CCDC6: variants seen among roughly 807,000 people sequenced by gnomAD.
The protein encoded by CCDC6 is coiled-coil domain-containing protein 6.
A neutral mutation model predicts 56.6 loss-of-function variants in CCDC6; 20 were observed. That is an observed-to-expected ratio of 0.35 (90% CI 0.25 to 0.51). The LOEUF (loss-of-function observed/expected upper bound fraction) is 0.51, where lower values mean the gene tolerates loss of function less well. Ranked by LOEUF, CCDC6 falls within the 20% of genes least tolerant of loss-of-function variation. The pLI, the probability that CCDC6 is intolerant of heterozygous loss-of-function variation, is 0.95. For synonymous variants in CCDC6, 241 were observed against 234.4 expected (o/e 1.03, Z -0.26); for missense variants, 367 against 601.1 (o/e 0.61, Z 4.07).
chr10:59,799,592 G>C (rs1057445501), intron 7 of CCDC6, among the ~76,000 whole-genome samples: 1 of 152,186 alleles, frequency 6.6e-6, no homozygotes, highest in African/African-American at 2.4e-5. Context: ...CCCCAGGGCA[G>C]CTGTGAAGAG....
intron 2 of CCDC6, among the ~76,000 whole-genome samples, chr10:59,847,673 G>A (rs2071004256): frequency 6.6e-6 from 1 of 152,056 alleles, no homozygotes; most frequent in Non-Finnish European, 1.5e-5. Context: ...TCCTTTTCAA[G>A]AAATAAGATG....
chr10:59,812,062 C>CAA (rs142710534), intron 5 of CCDC6, among the ~76,000 whole-genome samples: 4 of 121,124 alleles, frequency 3.3e-5, no homozygotes, highest in Admixed American at 1.7e-4. Flanking sequence ...TTTGAATAGC[C>CAA]AAAAAAAAAA....
intron 3 of CCDC6, among the ~76,000 whole-genome samples, chr10:59,828,080 AATTTTCCCTAAGTGGCAGAAC>A (rs1219472428): frequency 2.1e-4 from 32 of 152,220 alleles, no homozygotes; most frequent in African/African-American, 7.7e-4. Flanking sequence ...AAGTAAGGAA[AATTTTCCCTAAGTGGCAGAAC>A]ATATTATTCA....
intron 5 of CCDC6, among the ~76,000 whole-genome samples, chr10:59,810,571 A>G (rs1029233516): frequency 2.6e-5 from 4 of 152,108 alleles, no homozygotes; most frequent in African/African-American, 9.7e-5. Flanking sequence ...CATGGTAAAA[A>G]CTCAAAAATC....
intron 7 of CCDC6, among the ~76,000 whole-genome samples, chr10:59,797,218 A>G (rs2132621740): frequency 6.6e-6 from 1 of 152,266 alleles, no homozygotes; most frequent in South Asian, 2.1e-4. Flanking sequence ...ATAGACACAG[A>G]GTAGAATGGC....
At position 59,891,474 on chromosome 10, in the gene CCDC6, C is replaced by T. The variant is rs555062455; in HGVS notation, c.303+14648G>A. Among the ~76,000 whole-genome samples, 31 of 152,276 alleles carry T rather than the reference C, an allele frequency of 2.0e-4. No homozygotes were observed. In the South Asian group the frequency reaches 4.6e-3, roughly 22 times the overall value. On this transcript the variant is annotated intron_variant, in intron 1 of 8. Coordinates refer to ENST00000263102, the MANE Select transcript of CCDC6 (RefSeq NM_005436.5). ...ACTTATGGAAAGCAGTAAAGCCTAC[C>T]GGTTTTCATTTGTGGCCTAACAAGC...
chr10:59,846,923 G>A (rs953272309), intron 2 of CCDC6, among the ~76,000 whole-genome samples: 2 of 152,182 alleles, frequency 1.3e-5, no homozygotes, highest in African/African-American at 4.8e-5. Context: ...TTGATGCTTT[G>A]GCCCTGCATA....
intron 1 of CCDC6, among the ~76,000 whole-genome samples, chr10:59,873,328 G>T (rs1383256421): frequency 1.3e-5 from 2 of 152,074 alleles, no homozygotes; most frequent in African/African-American, 4.8e-5. Context: ...CTTATAAGAA[G>T]GGAAAATACA....
intron 7 of CCDC6, among the ~76,000 whole-genome samples, chr10:59,800,338 C>T (rs1274822854): frequency 6.6e-6 from 1 of 152,216 alleles, no homozygotes; most frequent in African/African-American, 2.4e-5. Flanking sequence ...CGCATCCTAG[C>T]AATGACTGAT....
intron 1 of CCDC6, among the ~76,000 whole-genome samples, chr10:59,858,557 C>A (rs879368867): frequency 6.6e-6 from 1 of 152,204 alleles, no homozygotes; most frequent in Non-Finnish European, 1.5e-5. Flanking sequence ...ACTGTGGTTT[C>A]TCTCAAACCA....
At chr10:59,827,880 G>T (rs1000457371) in intron 3 of CCDC6, among the ~76,000 whole-genome samples, 3 of 152,092 alleles carry the variant, frequency 2.0e-5, no homozygotes, top group Non-Finnish European at 4.4e-5. Flanking sequence ...AACCCTCCAC[G>T]GATATAGTGC....
Position 59,819,676 on chromosome 10 carries a change from G to T in CCDC6, c.583-4921C>A, listed in dbSNP as rs139238474. On this transcript the variant is annotated intron_variant, in intron 3 of 8. Transcript: ENST00000263102. Reference sequence around the variant, plus strand: ...GTAAAAAGCCAAGTGATACAGTGCTGTCAATATGCTGGTCTCTATCTGTAA... The same window carrying T: ...GTAAAAAGCCAAGTGATACAGTGCTTTCAATATGCTGGTCTCTATCTGTAA... 3.9e-4 allele frequency among the ~76,000 whole-genome samples: 59 copies of T among 152,284 alleles called. 1 individual carries two copies. The highest frequency in any genetic ancestry group is 1.4e-3 in the African/African-American group (58 of 41,552).
intron 6 of CCDC6, among the ~76,000 whole-genome samples, chr10:59,805,798 TA>T (rs2070617023): frequency 6.6e-6 from 1 of 152,220 alleles, no homozygotes; most frequent in Admixed American, 6.5e-5. Flanking sequence ...TTTCTCATTA[TA>T]AAAATATAGA....
At chr10:59,860,314 G>C (rs1232297634) in intron 1 of CCDC6, among the ~76,000 whole-genome samples, 2 of 152,158 alleles carry the variant, frequency 1.3e-5, no homozygotes, top group African/African-American at 4.8e-5. Context: ...ATTCAAGGCA[G>C]TTTGACTACC....
At chr10:59,804,016 GACAA>G (rs2132626227) in intron 7 of CCDC6, among the ~76,000 whole-genome samples, 2 of 152,122 alleles carry the variant, frequency 1.3e-5, no homozygotes, top group African/African-American at 4.8e-5. Context: ...TTATTCTGAG[GACAA>G]AAATGAGATT....
Position 59,792,671 on chromosome 10 carries a change from C to A in CCDC6, c.*246G>T. 1 of 743,632 alleles carries A rather than the reference C, an allele frequency of 1.3e-6. No individual in the cohort carries two copies. The allele number at this position is 743,632 out of a possible 1,614,324, so 46.1% of individuals were successfully genotyped here. ...AAATACCAAACAGCGAAGGTTCCAG[C>A]CAGGGAATGGACGTACATGAAGATT... On this transcript the variant is annotated 3_prime_UTR_variant, in exon 9 of 9. Coordinates refer to ENST00000263102, the MANE Select transcript of CCDC6 (RefSeq NM_005436.5).
intron 2 of CCDC6, among the ~76,000 whole-genome samples, chr10:59,833,718 C>T (rs55706286): frequency 0.18 from 26,001 of 146,666 alleles, 3,082 homozygotes; most frequent in African/African-American, 0.33. Flanking sequence ...GTAAAAGCTA[C>T]TAAAAACAAT....
At position 59,804,430 on chromosome 10, in the gene CCDC6, A is replaced by G. The variant is rs746073503; in HGVS notation, c.1095T>C (p.Pro365=). The G allele has an allele frequency of 6.8e-5, 109 of 1,606,772 alleles. No homozygotes were observed. The Middle Eastern group carries it at 8.2e-4, about 12-fold the overall frequency. The change falls in exon 7 of 9, where the codon CCT becomes CCC. Residue 365 remains proline (P), a synonymous_variant. Transcript: ENST00000263102. Reference sequence around the variant, plus strand: ...AAGACATATGCTCACCAGGTGATATAGGCCTGCTTGAACTCGGAGAAGGTG... The same window carrying G: ...AAGACATATGCTCACCAGGTGATATGGGCCTGCTTGAACTCGGAGAAGGTG... ...PYTPSPSSSR[P]ISPGLSYASH...
At chr10:59,856,470 T>C (rs1243150738) in intron 1 of CCDC6, among the ~76,000 whole-genome samples, 1 of 152,188 alleles carries the variant, frequency 6.6e-6, no homozygotes, top group Non-Finnish European at 1.5e-5. Flanking sequence ...CCCTGCAGAT[T>C]TCTCCCCATA....
Sources: allele counts gnomAD v4.1 joint callset (sites outside exome capture counted in the v4.1 genomes callset), GRCh38; gene constraint gnomAD v4.1.1; transcripts MANE v1.5; gene names NCBI Gene and HGNC (gene_info 2026-07-23, HGNC 2026-07-21).